ZNF831: variants seen among roughly 807,000 people sequenced by gnomAD.
ZNF831 encodes chromosome 20 open reading frame 174.
In ZNF831, 59 loss-of-function variants were observed where a neutral mutation model predicts 95.8. That is an observed-to-expected ratio of 0.62 (90% CI 0.50 to 0.77). The LOEUF is 0.77. Among genes scored for constraint, ZNF831 ranks in the 30% least tolerant of loss-of-function variants. The probability of loss-of-function intolerance (pLI) is 0.00; values close to 1 mark genes in which losing one functional copy is unlikely to be tolerated. For synonymous variants in ZNF831, 961 were observed against 925.5 expected (o/e 1.04, Z -0.70); for missense variants, 2,205 against 2,164.0 (o/e 1.02, Z -0.38).
intron 4 of ZNF831, among the ~76,000 whole-genome samples, chr20:59,213,534 C>G (rs966127079): frequency 3.3e-5 from 5 of 152,160 alleles, no homozygotes; most frequent in African/African-American, 1.2e-4. Flanking sequence ...AGGGGCCTAG[C>G]AATGTAGCCG....
Position 59,192,777 on chromosome 20 carries a change from C to T in ZNF831, c.1758C>T (p.Asp586=), listed in dbSNP as rs968436868. The T allele has an allele frequency of 1.9e-6, 3 of 1,612,576 alleles. No individual in the cohort carries two copies. The highest frequency in any genetic ancestry group is 1.3e-5 in the African/African-American group (1 of 75,066). The change falls in exon 2 of 6, where the codon GAC becomes GAT. Residue 586 remains aspartate (D), a synonymous_variant. Coordinates refer to ENST00000371030, the MANE Select transcript of ZNF831 (RefSeq NM_178457.3). The surrounding 1 kb of genome is among the most constrained non-coding windows in gnomAD (Gnocchi z 5.2). ...CCCTGGTGCCCGCAGAGGACACAGA[C>T]GCAAAGAGAACTGCTGCGCGGGAGG... ...GDALVPAEDT[D]AKRTAAREAM...
At chr20:59,133,599 A>G (rs939245829) in intron 1 of ZNF831, among the ~76,000 whole-genome samples, 1 of 152,126 alleles carries the variant, frequency 6.6e-6, no homozygotes, top group African/African-American at 2.4e-5. Context: ...AATAGAAAGC[A>G]TGGATTTTGG....
intron 3 of ZNF831, among the ~76,000 whole-genome samples, chr20:59,200,316 A>G (rs534131514): frequency 6.6e-6 from 1 of 152,264 alleles, no homozygotes; most frequent in East Asian, 1.9e-4. Context: ...TTTCTGAAAT[A>G]CTGAAATAAT....
chr20:59,156,162 C>T (rs1257965909), intron 2 of ZNF831, among the ~76,000 whole-genome samples: 1 of 152,200 alleles, frequency 6.6e-6, no homozygotes, highest in Non-Finnish European at 1.5e-5. Flanking sequence ...ATATTCACCT[C>T]CCAAAGTTTC....
intron 1 of ZNF831, among the ~76,000 whole-genome samples, chr20:59,179,476 A>G (rs2146514425): frequency 6.6e-6 from 1 of 152,220 alleles, no homozygotes; most frequent in East Asian, 1.9e-4. Flanking sequence ...ACAGTGCAGG[A>G]GACCAGCGGC....
At chr20:59,124,941 G>A (rs1195570455) in intron 1 of ZNF831, among the ~76,000 whole-genome samples, 2 of 152,216 alleles carry the variant, frequency 1.3e-5, no homozygotes, top group Non-Finnish European at 2.9e-5. Flanking sequence ...ATCATTTCTG[G>A]CTGTCACATT....
chr20:59,196,651 C>T (rs1286441005), intron 3 of ZNF831, among the ~76,000 whole-genome samples: 1 of 151,410 alleles, frequency 6.6e-6, no homozygotes, highest in Non-Finnish European at 1.5e-5. Context: ...CCTGTGATCT[C>T]CTCCTCTCCT....
At chr20:59,168,543 A>G (rs1466048563) in intron 1 of ZNF831, among the ~76,000 whole-genome samples, 4 of 129,918 alleles carry the variant, frequency 3.1e-5, no homozygotes, top group Non-Finnish European at 4.7e-5. Context: ...TTATTTTTTC[A>G]TTTCCTGCTT....
chr20:59,182,757 G>A (rs561458644), intron 1 of ZNF831, among the ~76,000 whole-genome samples: 1 of 152,114 alleles, frequency 6.6e-6, no homozygotes, highest in African/African-American at 2.4e-5. Context: ...AATTGTTTAG[G>A]CAAAACATAT....
At chr20:59,171,863 C>A (rs1395894334) in intron 1 of ZNF831, among the ~76,000 whole-genome samples, 2 of 152,150 alleles carry the variant, frequency 1.3e-5, no homozygotes, top group Admixed American at 6.5e-5. Context: ...CCTCAGCTGC[C>A]CTGGGTTCTT....
intron 4 of ZNF831, among the ~76,000 whole-genome samples, chr20:59,240,969 A>AAT (rs1211382119): frequency 6.6e-6 from 1 of 152,156 alleles, no homozygotes; most frequent in Admixed American, 6.5e-5. Flanking sequence ...CATTTTAACC[A>AAT]GACTGAAGAA....
chr20:59,134,606 G>A (rs118104798), intron 1 of ZNF831, among the ~76,000 whole-genome samples: 22 of 152,324 alleles, frequency 1.4e-4, no homozygotes, highest in Non-Finnish European at 2.5e-4. Flanking sequence ...GTCCCACCAT[G>A]GGCCAAGCCA....
chr20:59,194,786 G>A (rs2146605047), intron 2 of ZNF831, 29 bp downstream of exon 2: 1 of 1,526,806 alleles, frequency 6.5e-7, no homozygotes, highest in Non-Finnish European at 8.8e-7. Context: ...CCAGGGCCCG[G>A]GGTTGAGAGA....
rs1391400562 is a variant in ZNF831, at chr20:59,254,335, C to T, written c.4626C>T (p.Leu1542=). Residue 1542 remains leucine (L), a synonymous_variant, in exon 6 of 6, where the codon CTC becomes CTT. Transcript: ENST00000371030. The surrounding 1 kb of genome is among the most constrained non-coding windows in gnomAD (Gnocchi z 4.5). The part of the protein sequence containing the change: ...KVTEEGRAQT[L]LPGRPSSGQR... ...CAGAAGAGGGCAGAGCACAGACCCTCTTGCCAGGGAGACCTTCATCTGGAC... is the reference window on the plus strand; with the variant it reads ...CAGAAGAGGGCAGAGCACAGACCCTTTTGCCAGGGAGACCTTCATCTGGAC... The T allele has an allele frequency of 1.2e-6, 2 of 1,614,010 alleles. No homozygotes were observed. Among genetic ancestry groups the T allele is most frequent in the African/African-American group, 1.3e-5 (1 of 74,924 alleles).
chr20:59,170,290 C>T (rs1012884666), intron 1 of ZNF831, among the ~76,000 whole-genome samples: 83 of 152,132 alleles, frequency 5.5e-4, no homozygotes, highest in African/African-American at 1.9e-3. Context: ...AAATTTCCCT[C>T]CCAGCACTGC....
chr20:59,254,189 T>C lies in ZNF831; in HGVS notation c.4480T>C (p.Cys1494Arg), dbSNP rs2146765517. The C allele has an allele frequency of 1.2e-6, 2 of 1,614,146 alleles. No individual in the cohort carries two copies. Among genetic ancestry groups the C allele is most frequent in the Non-Finnish European group, 8.5e-7 (1 of 1,180,014 alleles). The change falls in exon 6 of 6, where the codon TGT (cysteine) becomes CGT (arginine). Residue 1494 changes from cysteine to arginine, a missense_variant. Cys to Arg is a radical substitution (Grantham distance 180). Transcript: ENST00000371030. The surrounding 1 kb of genome is among the most constrained non-coding windows in gnomAD (Gnocchi z 4.5). Reference sequence around the variant, plus strand: ...CATTGCTACCTCTGTGGCTGCCGTTTGTATTTCTCTGCCAGTGAGAACAGA... The same window carrying C: ...CATTGCTACCTCTGTGGCTGCCGTTCGTATTTCTCTGCCAGTGAGAACAGA... Reference protein sequence around the residue: ...HDIATSVAAVCISLPVRTDHI... With the variant: ...HDIATSVAAVRISLPVRTDHI...
chr20:59,137,887 C>T (rs1468157045), intron 1 of ZNF831, among the ~76,000 whole-genome samples: 1 of 152,222 alleles, frequency 6.6e-6, no homozygotes, highest in Non-Finnish European at 1.5e-5. Flanking sequence ...AATTCCAAGA[C>T]TGTGGCCCCT....
At chr20:59,209,238 T>A (rs989047072) in intron 4 of ZNF831, among the ~76,000 whole-genome samples, 29 of 152,204 alleles carry the variant, frequency 1.9e-4, no homozygotes, top group African/African-American at 6.5e-4. Flanking sequence ...CCAAGTATCA[T>A]CATATGCTCA....
rs1302103364 is a variant in ZNF831 at position 59,193,834 on chromosome 20, C to G, written c.2815C>G (p.Pro939Ala). 6.2e-7 allele frequency: 1 copy of G among 1,613,190 alleles called. No individual in the cohort carries two copies. Among genetic ancestry groups the G allele is most frequent in the East Asian group, 2.2e-5 (1 of 44,890 alleles). The part of the protein sequence containing the change: ...LSALADNAFS[P>A]KYLLRLPQAE... The stretch of plus-strand genomic sequence containing the variant: ...TGCCCTGGCAGATAATGCCTTTTCC[C>G]CCAAGTACCTCCTCAGGTTACCTCA... Residue 939 changes from proline to alanine, a missense_variant, in exon 2 of 6, where the codon CCC (proline) becomes GCC (alanine). By Grantham distance (27) the Pro-to-Ala change is conservative. Coordinates refer to ENST00000371030, the MANE Select transcript of ZNF831 (RefSeq NM_178457.3).
Sources: gnomAD v4.1 joint callset for allele counts (sites outside exome capture counted in the v4.1 genomes callset) on GRCh38, gnomAD v4.1.1 for gene constraint, Gnocchi (gnomAD v3.1) non-coding constraint, MANE v1.5 for transcripts, NCBI Gene and HGNC (gene_info 2026-07-23, HGNC 2026-07-21) for gene names.